Variants in UTS2 observed in about 807,000 individuals in gnomAD.
UTS2 encodes urotensin-2.
In UTS2, 10 loss-of-function variants were observed where a neutral mutation model predicts 12.6. The ratio of observed to expected loss-of-function variants is 0.80; its 90% CI spans 0.49 to 1.35. UTS2 has a LOEUF of 1.35. Ranked by LOEUF, UTS2 falls within the 40% of genes most tolerant of loss-of-function variation. The pLI is 0.00. For missense variants in UTS2, 142 were observed against 143.2 expected (o/e 0.99, Z 0.04); for synonymous variants, 52 against 50.0 (o/e 1.04, Z -0.17).
chr1:7,906,507 G>GAAAGAAAGAAAGAAAGAAAGAAAGA, the UTS2 span, among the ~76,000 whole-genome samples: 1 of 131,378 alleles, frequency 7.6e-6, no homozygotes, highest in East Asian at 2.7e-4. Flanking sequence ...AAGAAAGAAA[G>GAAAGAAAGAAAGAAAGAAAGAAAGA]AAAAGAGGGA....
chr1:7,863,123 GTATTT>G, the UTS2 span, among the ~76,000 whole-genome samples: 1 of 149,440 alleles, frequency 6.7e-6, no homozygotes. Flanking sequence ...GTATTGTATT[GTATTT>G]GAGACGAAGT....
At chr1:7,876,646 G>A in the UTS2 span, among the ~76,000 whole-genome samples, 5 of 151,972 alleles carry the variant, frequency 3.3e-5, no homozygotes, top group Admixed American at 6.5e-5. Context: ...CACCTGACTT[G>A]CCACCACCAC....
the UTS2 span, among the ~76,000 whole-genome samples, chr1:7,883,138 C>T: frequency 6.6e-6 from 1 of 152,150 alleles, no homozygotes; most frequent in African/African-American, 2.4e-5. Context: ...AACATGTGTC[C>T]ATCAAGGGAT....
At chr1:7,897,116 T>C in the UTS2 span, among the ~76,000 whole-genome samples, 1 of 152,248 alleles carries the variant, frequency 6.6e-6, no homozygotes, top group African/African-American at 2.4e-5. Context: ...ATGATGTGCA[T>C]TGAGTCATTA....
chr1:7,876,879 C>A, the UTS2 span, among the ~76,000 whole-genome samples: 2 of 152,012 alleles, frequency 1.3e-5, no homozygotes, highest in Admixed American at 1.3e-4. Flanking sequence ...CACCTGTAAT[C>A]CCAGCACTTT....
At chr1:7,910,661 A>T in the UTS2 span, among the ~76,000 whole-genome samples, 1 of 152,218 alleles carries the variant, frequency 6.6e-6, no homozygotes, top group Non-Finnish European at 1.5e-5. Context: ...GTTGATTTTC[A>T]GGAGCTCTTT....
intron 1 of UTS2, among the ~76,000 whole-genome samples, chr1:7,851,385 A>G (rs1169038127): frequency 1.3e-5 from 2 of 152,184 alleles, no homozygotes; most frequent in Non-Finnish European, 2.9e-5. Flanking sequence ...CTTTTACTGA[A>G]CTTCAAGATT....
At chr1:7,886,121 T>G in the UTS2 span, among the ~76,000 whole-genome samples, 1 of 152,058 alleles carries the variant, frequency 6.6e-6, no homozygotes, top group African/African-American at 2.4e-5. Context: ...TAGCAGGACT[T>G]TGACGTCGGG....
chr1:7,863,802 C>A, the UTS2 span, among the ~76,000 whole-genome samples: 3 of 152,206 alleles, frequency 2.0e-5, no homozygotes, highest in African/African-American at 7.2e-5. Context: ...AGACAACAAC[C>A]GTTTAATTGG....
the UTS2 span, among the ~76,000 whole-genome samples, chr1:7,876,269 T>C: frequency 1.3e-5 from 2 of 152,044 alleles, no homozygotes; most frequent in East Asian, 3.9e-4. Context: ...CGGGGGATAT[T>C]GAGGATAGGA....
the UTS2 span, among the ~76,000 whole-genome samples, chr1:7,876,433 T>G: frequency 6.6e-6 from 1 of 152,330 alleles, no homozygotes; most frequent in South Asian, 2.1e-4. Context: ...CAGCATGTGC[T>G]GCAGAGGGGG....
chr1:7,862,992 TG>T, the UTS2 span, among the ~76,000 whole-genome samples: 30 of 18,760 alleles, frequency 1.6e-3, no homozygotes, highest in African/African-American at 4.8e-3. Context: ...TGTGTTGTGT[TG>T]TATTGTATTG....
chr1:7,856,394 C>A (rs778831202), upstream of UTS2, among the ~76,000 whole-genome samples: 8 of 152,182 alleles, frequency 5.3e-5, no homozygotes, highest in Non-Finnish European at 1.2e-4. Context: ...AGTGTGATTT[C>A]AGACAGGGCC....
chr1:7,892,039 G>A, the UTS2 span, among the ~76,000 whole-genome samples: 1 of 152,166 alleles, frequency 6.6e-6, no homozygotes, highest in Non-Finnish European at 1.5e-5. Context: ...CAAGATTCAG[G>A]GCTGGGAGGA....
chr1:7,895,431 T>C, the UTS2 span, among the ~76,000 whole-genome samples: 4 of 152,274 alleles, frequency 2.6e-5, no homozygotes, highest in Middle Eastern at 6.8e-3. Flanking sequence ...GTGATCTTTT[T>C]TCCCCCTTAA....
the UTS2 span, among the ~76,000 whole-genome samples, chr1:7,900,808 T>A: frequency 6.6e-6 from 1 of 152,116 alleles, no homozygotes; most frequent in African/African-American, 2.4e-5. Context: ...TTCATGTTTT[T>A]GCCTCTTTTT....
chr1:7,897,070 TTC>T, the UTS2 span, among the ~76,000 whole-genome samples: 2 of 152,228 alleles, frequency 1.3e-5, no homozygotes, highest in African/African-American at 4.8e-5. Context: ...TACATGAGAT[TTC>T]TGTTTCTACA....
intron 3 of UTS2, among the ~76,000 whole-genome samples, chr1:7,849,026 A>C (rs1038656644): frequency 6.6e-6 from 1 of 152,044 alleles, no homozygotes; most frequent in African/African-American, 2.4e-5. Flanking sequence ...GGTGGGCCGC[A>C]TGTTAGATGG....
chr1:7,893,952 G>A, the UTS2 span, among the ~76,000 whole-genome samples: 2 of 152,244 alleles, frequency 1.3e-5, no homozygotes. Context: ...TGAGTCAGAG[G>A]CATAGCTAGA....
Sources: gnomAD v4.1 joint callset for allele counts (sites outside exome capture counted in the v4.1 genomes callset) on GRCh38, gnomAD v4.1.1 for gene constraint, MANE v1.5 for transcripts, NCBI Gene and HGNC (gene_info 2026-07-23, HGNC 2026-07-21) for gene names.